CXCR5: variants seen among roughly 807,000 people sequenced by gnomAD.
CXCR5 encodes C-X-C chemokine receptor type 5.
CXCR5 carries 3 observed loss-of-function variants against 5.6 expected under a neutral mutation model. The ratio of observed to expected loss-of-function variants is 0.54; its 90% CI spans 0.24 to 1.39. CXCR5 has a LOEUF of 1.39. CXCR5 is among the 40% of genes most tolerant of loss of function. The pLI is 0.16. For synonymous variants in CXCR5, 218 were observed against 219.9 expected, an observed-to-expected ratio of 0.99 and a Z score of 0.08; for missense variants, 333 against 494.6, an observed-to-expected ratio of 0.67 and a Z score of 3.10.
At chr11:118,892,675 G>GT (rs1233739995) in intron 1 of CXCR5, among the ~76,000 whole-genome samples, 1 of 151,776 alleles carries the variant, frequency 6.6e-6, no homozygotes, top group African/African-American at 2.4e-5. Flanking sequence ...GATGGGGGGG[G>GT]GGTGATGGGG....
chr11:118,891,698 G>A (rs1939812947), intron 1 of CXCR5, among the ~76,000 whole-genome samples: 1 of 151,814 alleles, frequency 6.6e-6, no homozygotes, highest in African/African-American at 2.4e-5. Context: ...GTGAAACCTT[G>A]TCTCTACTAA....
At chr11:118,892,672 G>GA (rs144520428) in intron 1 of CXCR5, among the ~76,000 whole-genome samples, 1,838 of 151,674 alleles carry the variant, frequency 0.012, 56 homozygotes, top group East Asian at 0.11. Flanking sequence ...GGTGATGGGG[G>GA]GGGGGTGATG....
At chr11:118,888,022 G>T (rs1939744439) in intron 1 of CXCR5, among the ~76,000 whole-genome samples, 1 of 152,186 alleles carries the variant, frequency 6.6e-6, no homozygotes, top group Admixed American at 6.5e-5. Context: ...CGGCAGAATG[G>T]ACTAGAAATA....
At chr11:118,888,582 C>T (rs1939757275) in intron 1 of CXCR5, among the ~76,000 whole-genome samples, 1 of 152,216 alleles carries the variant, frequency 6.6e-6, no homozygotes, top group South Asian at 2.1e-4. Flanking sequence ...AACAGTGGCC[C>T]TTCGGCTGGC....
rs747072486 is a variant in CXCR5 at position 118,893,727 on chromosome 11, C to T, written c.183C>T (p.Ile61=). The T allele has an allele frequency of 1.2e-6, 2 of 1,614,232 alleles. No individual in the cohort carries two copies. The highest frequency in any genetic ancestry group is 3.3e-5 in the Admixed American group (2 of 60,038). Reference sequence around the variant, plus strand: ...TCGTGCCCGTGGCCTACAGCCTCATCTTCCTCCTGGGCGTGATCGGCAACG... The same window carrying T: ...TCGTGCCCGTGGCCTACAGCCTCATTTTCCTCCTGGGCGTGATCGGCAACG... The part of the protein sequence containing the change: ...AVFVPVAYSL[I]FLLGVIGNVL... The change falls in exon 2 of 2, where the codon ATC becomes ATT. Residue 61 remains isoleucine, a synonymous_variant. Transcript: ENST00000292174. This position sits in a 1 kb window ranked among gnomAD's most constrained non-coding sequence, Gnocchi z 5.7.
At chr11:118,887,108 G>A (rs1939725011) in intron 1 of CXCR5, 2 of 347,196 alleles carry the variant, frequency 5.8e-6, no homozygotes, top group South Asian at 1.1e-4. Flanking sequence ...GCCAAGCTGA[G>A]GATGGGTCAG....
chr11:118,892,339 T>G (rs2096743439), intron 1 of CXCR5, among the ~76,000 whole-genome samples: 1 of 152,144 alleles, frequency 6.6e-6, no homozygotes, highest in African/African-American at 2.4e-5. Flanking sequence ...TGGCACCCAG[T>G]GTGACCATCC....
chr11:118,885,323 G>A (rs535033283), intron 1 of CXCR5, among the ~76,000 whole-genome samples: 1 of 152,270 alleles, frequency 6.6e-6, no homozygotes, highest in East Asian at 1.9e-4. Flanking sequence ...AAAACATGGG[G>A]CCCCTTGTTG....
intron 1 of CXCR5, chr11:118,887,851 C>T (rs1939738740): frequency 6.6e-6 from 1 of 152,310 alleles, no homozygotes; most frequent in Non-Finnish European, 1.5e-5. Flanking sequence ...GTGCTCCCCC[C>T]TGGCCAGAGC....
chr11:118,889,921 C>T (rs1209998333), intron 1 of CXCR5, among the ~76,000 whole-genome samples: 1 of 152,178 alleles, frequency 6.6e-6, no homozygotes, highest in Non-Finnish European at 1.5e-5. Flanking sequence ...AGCCCAGAAA[C>T]CCAGGGCTTT....
chr11:118,894,930 C>G lies in CXCR5; in HGVS notation c.*267C>G, dbSNP rs986515855. On this transcript the variant is annotated 3_prime_UTR_variant, in exon 2 of 2. Coordinates refer to ENST00000292174, the MANE Select transcript of CXCR5 (RefSeq NM_001716.5). The surrounding 1 kb of genome is among the most constrained non-coding windows in gnomAD (Gnocchi z 6.1). The stretch of plus-strand genomic sequence containing the variant: ...GGCTGTCCTTACCCATCTGCACCCC[C>G]CTGGGCTGAGAGAACCTCACGCACC... The G allele has an allele frequency of 1.0e-5, 4 of 401,994 alleles. No homozygotes were observed. The highest frequency in any genetic ancestry group is 4.1e-5 in the African/African-American group (2 of 48,526). The allele number at this position is 401,994 out of a possible 1,614,324, so 24.9% of individuals were successfully genotyped here. A position where few individuals can be genotyped will look rare whatever the true frequency, so the allele number is the denominator to read the frequency against.
Position 118,893,544 on chromosome 11 carries a change from G to A in CXCR5, c.52-52G>A. On this transcript the variant is annotated intron_variant, in intron 1 of 1. Coordinates refer to ENST00000292174, the MANE Select transcript of CXCR5 (RefSeq NM_001716.5). This position sits in a 1 kb window ranked among gnomAD's most constrained non-coding sequence, Gnocchi z 5.7. Reference sequence around the variant, plus strand: ...CAAGAGAGCTAGGGTTCCTCTCAGAGAGGAAAGACAGGTCCTTAGGTCCTC... The same window carrying A: ...CAAGAGAGCTAGGGTTCCTCTCAGAAAGGAAAGACAGGTCCTTAGGTCCTC... 2 of 1,515,562 alleles carry A rather than the reference G, an allele frequency of 1.3e-6. No individual in the cohort carries two copies. The highest frequency in any genetic ancestry group is 1.4e-5 in the African/African-American group (1 of 71,900). 93.9% of individuals were successfully genotyped at this position (1,515,562 alleles called of 1,614,324 possible). A position where few individuals can be genotyped will look rare whatever the true frequency, so the allele number is the denominator to read the frequency against.
chr11:118,890,685 A>C (rs1310873623), intron 1 of CXCR5, among the ~76,000 whole-genome samples: 1 of 152,198 alleles, frequency 6.6e-6, no homozygotes, highest in East Asian at 1.9e-4. Context: ...GAAGAACATA[A>C]AGGCTGTGTT....
Position 118,897,506 on chromosome 11 carries a change from G to A in CXCR5, c.*2843G>A, listed in dbSNP as rs1388146684. The A allele has an allele frequency of 6.0e-6, 2 of 334,670 alleles. No individual in the cohort carries two copies. The highest frequency in any genetic ancestry group is 1.2e-5 in the Non-Finnish European group (2 of 171,498). 20.7% of individuals were successfully genotyped at this position (334,670 alleles called of 1,614,324 possible). A position where few individuals can be genotyped will look rare whatever the true frequency, so the allele number is the denominator to read the frequency against. On this transcript the variant is annotated 3_prime_UTR_variant, in exon 2 of 2. Transcript: ENST00000292174. ...CATGTTCTCCCTGAATCACTCAGCA[G>A]CAGACAGGCTGCCGCCCTGGGGGTC...
chr11:118,892,550 C>T (rs2137658360), intron 1 of CXCR5, among the ~76,000 whole-genome samples: 1 of 151,800 alleles, frequency 6.6e-6, no homozygotes, highest in South Asian at 2.1e-4. Flanking sequence ...GTGGGAAGAA[C>T]AGAGCTGGGA....
intron 1 of CXCR5, chr11:118,886,151 T>C (rs1276189785): frequency 2.9e-6 from 1 of 348,626 alleles, no homozygotes; most frequent in Non-Finnish European, 5.6e-6. Flanking sequence ...TAAGTATTTA[T>C]TGATTTGTGA....
At chr11:118,888,749 C>G (rs1309815154) in intron 1 of CXCR5, among the ~76,000 whole-genome samples, 1 of 152,224 alleles carries the variant, frequency 6.6e-6, no homozygotes, top group Non-Finnish European at 1.5e-5. Flanking sequence ...GCAATTTCAT[C>G]TGGTTAGGTT....
rs149961413 is a variant in CXCR5, at chr11:118,894,034, C to G, written c.490C>G (p.Leu164Val). ...AVHAYRHRRL[L>V]SIHITCGTIW... ...CCATGCCTACCGCCACCGCCGCCTCCTCTCCATCCACATCACCTGTGGGAC... is the reference window on the plus strand; with the variant it reads ...CCATGCCTACCGCCACCGCCGCCTCGTCTCCATCCACATCACCTGTGGGAC... The change falls in exon 2 of 2, where the codon CTC (leucine) becomes GTC (valine). Residue 164 changes from leucine to valine, a missense_variant. By Grantham distance (32) the Leu-to-Val change is conservative. Coordinates refer to ENST00000292174, the MANE Select transcript of CXCR5 (RefSeq NM_001716.5). The surrounding 1 kb of genome is among the most constrained non-coding windows in gnomAD (Gnocchi z 6.1). 6.2e-7 allele frequency: 1 copy of G among 1,613,946 alleles called. No homozygotes were observed. The highest frequency in any genetic ancestry group is 1.3e-5 in the African/African-American group (1 of 75,044).
At position 118,893,275 on chromosome 11, in the gene CXCR5, C is replaced by A; in HGVS notation, c.52-321C>A. On this transcript the variant is annotated intron_variant, in intron 1 of 1. Transcript: ENST00000292174. This position sits in a 1 kb window ranked among gnomAD's most constrained non-coding sequence, Gnocchi z 5.7. ...CAAATTGAAGTCCTGTGACTCCAGC[C>A]GCCAAGGCTGCAGGCTTCCGTACAT... 2.0e-6 allele frequency: 1 copy of A among 492,130 alleles called. No individual in the cohort carries two copies. The highest frequency in any genetic ancestry group is 2.6e-6 in the Non-Finnish European group (1 of 379,948). The allele number at this position is 492,130 out of a possible 1,614,324, so 30.5% of individuals were successfully genotyped here.
Sources: allele counts gnomAD v4.1 joint callset (sites outside exome capture counted in the v4.1 genomes callset), GRCh38; gene constraint gnomAD v4.1.1; non-coding constraint Gnocchi (gnomAD v3.1); transcripts MANE v1.5; gene names NCBI Gene and HGNC (gene_info 2026-07-23, HGNC 2026-07-21).